The following STAU2 variants were observed in gnomAD, a reference collection of about 807,000 sequenced individuals.
The protein encoded by STAU2 is double-stranded RNA-binding protein Staufen homolog 2.
A neutral mutation model predicts 65.9 loss-of-function variants in STAU2; 20 were observed. The ratio of observed to expected loss-of-function variants is 0.30; its 90% confidence interval spans 0.21 to 0.44. STAU2 has a LOEUF of 0.44. STAU2 is among the 20% of genes least tolerant of loss of function. STAU2 has a pLI of 1.00. For missense variants in STAU2, 558 were observed against 683.9 expected (o/e 0.82, Z 2.05); for synonymous variants, 232 against 233.9 (o/e 0.99, Z 0.07).
chr8:73,547,305 T>C (rs1390446605), intron 13 of STAU2, among the ~76,000 whole-genome samples: 1 of 152,180 alleles, frequency 6.6e-6, no homozygotes, highest in African/African-American at 2.4e-5. Flanking sequence ...TGTTACTCAT[T>C]GTAGTTTTTA....
At chr8:73,646,045 A>G (rs1815349559) in intron 6 of STAU2, among the ~76,000 whole-genome samples, 1 of 152,214 alleles carries the variant, frequency 6.6e-6, no homozygotes, top group African/African-American at 2.4e-5. Context: ...ATCAGAAACA[A>G]AGAAATAAAA....
At chr8:73,548,973 TTAAAA>T (rs1197457003) in intron 13 of STAU2, among the ~76,000 whole-genome samples, 25 of 152,332 alleles carry the variant, frequency 1.6e-4, no homozygotes, top group South Asian at 2.1e-4. Flanking sequence ...ATGTGAAAAC[TTAAAA>T]TAATGCAAAG....
intron 6 of STAU2, among the ~76,000 whole-genome samples, chr8:73,639,470 A>G (rs1442557465): frequency 2.0e-5 from 3 of 152,120 alleles, no homozygotes; most frequent in Admixed American, 6.5e-5. Flanking sequence ...GCCTAGCAAC[A>G]TATTCTAGTC....
intron 5 of STAU2, among the ~76,000 whole-genome samples, chr8:73,684,796 C>T (rs898510737): frequency 2.6e-5 from 4 of 151,880 alleles, no homozygotes; most frequent in East Asian, 3.9e-4. Context: ...GCTAAGGACA[C>T]GAATAGATAA....
intron 3 of STAU2, among the ~76,000 whole-genome samples, chr8:73,734,659 TG>T (rs1165123242): frequency 2.6e-5 from 4 of 152,036 alleles, no homozygotes; most frequent in Non-Finnish European, 5.9e-5. Context: ...CCGGGCGTGG[TG>T]GCATGCGCTT....
At chr8:73,466,879 G>A (rs1819684816) in intron 13 of STAU2, among the ~76,000 whole-genome samples, 1 of 152,160 alleles carries the variant, frequency 6.6e-6, no homozygotes, top group Non-Finnish European at 1.5e-5. Flanking sequence ...TCAGCTCTCA[G>A]GAGCCTCCCA....
intron 4 of STAU2, among the ~76,000 whole-genome samples, chr8:73,707,827 C>T (rs1422202506): frequency 6.6e-6 from 1 of 151,790 alleles, no homozygotes; most frequent in Non-Finnish European, 1.5e-5. Context: ...ACTATAGGTC[C>T]CACTGGAGGC....
intron 3 of STAU2, among the ~76,000 whole-genome samples, chr8:73,709,590 A>G (rs547407187): frequency 9.9e-5 from 15 of 152,140 alleles, no homozygotes; most frequent in Non-Finnish European, 1.5e-4. Flanking sequence ...TGTGTTAGAA[A>G]AAGCTCTAGT....
intron 13 of STAU2, among the ~76,000 whole-genome samples, chr8:73,429,411 G>GTTTTTTTT (rs1261161673): frequency 3.0e-5 from 2 of 67,188 alleles, no homozygotes; most frequent in Non-Finnish European, 2.9e-5. Context: ...TCTTGCTCAG[G>GTTTTTTTT]TCTTTTTTTT....
intron 2 of STAU2, 54 bp downstream of exon 2, chr8:73,739,702 C>G: frequency 1.4e-6 from 2 of 1,424,218 alleles, no homozygotes; most frequent in Non-Finnish European, 1.8e-6. Context: ...GTATAAAGAG[C>G]ACACGGCCTG....
chr8:73,667,453 C>A (rs901819583), intron 6 of STAU2, among the ~76,000 whole-genome samples: 7 of 152,168 alleles, frequency 4.6e-5, no homozygotes, highest in African/African-American at 1.4e-4. Flanking sequence ...CATGAATGAA[C>A]TAAACTTCTC....
At chr8:73,592,370 T>C (rs1212051801) in intron 11 of STAU2, among the ~76,000 whole-genome samples, 2 of 152,136 alleles carry the variant, frequency 1.3e-5, no homozygotes, top group Non-Finnish European at 2.9e-5. Context: ...AACAATTTTA[T>C]ACTAGTAAAT....
intron 13 of STAU2, among the ~76,000 whole-genome samples, chr8:73,468,822 T>C (rs1819809076): frequency 6.6e-6 from 1 of 152,110 alleles, no homozygotes; most frequent in Non-Finnish European, 1.5e-5. Context: ...CTGGAGAGGA[T>C]GTGGAGAAAT....
At chr8:73,446,021 G>A (rs1273385331) in intron 13 of STAU2, among the ~76,000 whole-genome samples, 1 of 152,154 alleles carries the variant, frequency 6.6e-6, no homozygotes, top group African/African-American at 2.4e-5. Flanking sequence ...AAAAAAACCT[G>A]TACACAAAAC....
chr8:73,580,637 C>T (rs909026116), intron 12 of STAU2, among the ~76,000 whole-genome samples: 5 of 152,222 alleles, frequency 3.3e-5, no homozygotes, highest in Admixed American at 6.5e-5. Context: ...ATTGGTCCAT[C>T]ATCTGAATGA....
intron 13 of STAU2, among the ~76,000 whole-genome samples, chr8:73,542,155 G>C (rs140000792): frequency 6.6e-6 from 1 of 151,880 alleles, no homozygotes; most frequent in Non-Finnish European, 1.5e-5. Context: ...TAATCAAATC[G>C]GTGAAAAACA....
At chr8:73,501,254 G>T (rs1490732963) in intron 13 of STAU2, among the ~76,000 whole-genome samples, 1 of 151,774 alleles carries the variant, frequency 6.6e-6, no homozygotes, top group African/African-American at 2.4e-5. Context: ...TCATTAAAAT[G>T]TGATTTAATA....
chr8:73,622,525 A>G (rs1813342062), intron 6 of STAU2, among the ~76,000 whole-genome samples: 1 of 152,144 alleles, frequency 6.6e-6, no homozygotes, highest in Non-Finnish European at 1.5e-5. Context: ...TCCCCAAAAG[A>G]GTTGCTGGGA....
At chr8:73,676,207 G>A (rs1818017562) in intron 5 of STAU2, among the ~76,000 whole-genome samples, 1 of 152,104 alleles carries the variant, frequency 6.6e-6, no homozygotes, top group Non-Finnish European at 1.5e-5. Flanking sequence ...ACACACTGTG[G>A]AGTCAAGACT....
Sources: allele counts gnomAD v4.1 joint callset (sites outside exome capture counted in the v4.1 genomes callset), GRCh38; gene constraint gnomAD v4.1.1; transcripts MANE v1.5; gene names NCBI Gene and HGNC (gene_info 2026-07-23, HGNC 2026-07-21).